SMPD3: variants seen among roughly 807,000 people sequenced by gnomAD.
SMPD3 encodes the protein nSMase-2.
A neutral mutation model predicts 55.7 loss-of-function variants in SMPD3; 21 were observed. That is an observed-to-expected ratio of 0.38 (90% CI 0.27 to 0.54). The LOEUF (loss-of-function observed/expected upper bound fraction) is 0.54, where lower values mean the gene tolerates loss of function less well. Among genes scored for constraint, SMPD3 ranks in the 20% least tolerant of loss-of-function variants. The probability of loss-of-function intolerance (pLI) is 0.80; values close to 1 mark genes in which losing one functional copy is unlikely to be tolerated. For missense variants in SMPD3, 842 were observed against 899.6 expected (o/e 0.94, Z 0.82); for synonymous variants, 457 against 404.3 (o/e 1.13, Z -1.56).
chr16:68,443,100 A>G (rs1417180079), intron 1 of SMPD3, among the ~76,000 whole-genome samples: 2 of 152,184 alleles, frequency 1.3e-5, no homozygotes, highest in African/African-American at 2.4e-5. Flanking sequence ...TCCAAATCGA[A>G]TGGGGAGTTC....
chr16:68,446,026 C>T (rs914656773), intron 1 of SMPD3, among the ~76,000 whole-genome samples: 1 of 152,214 alleles, frequency 6.6e-6, no homozygotes, highest in South Asian at 2.1e-4. Context: ...CAGCGCCATG[C>T]CCTTCCAGAC....
Position 68,371,926 on chromosome 16 carries a change from A to C in SMPD3, c.256T>G (p.Ser86Ala). The C allele has an allele frequency of 6.2e-7, 1 of 1,611,498 alleles. No individual in the cohort carries two copies. The highest frequency in any genetic ancestry group is 8.5e-7 in the Non-Finnish European group (1 of 1,179,594). Residue 86 changes from serine to alanine, a missense_variant, in exon 3 of 9, where the codon TCC becomes GCC. Ser to Ala is a moderately conservative substitution (Grantham distance 99). Around this residue, in one of 2 missense-constraint regions of SMPD3, gnomAD observed 193 missense variants for 256.0 expected, o/e 0.75. Transcript: ENST00000219334. ...GGCCGGCGGGCCGACTGCAGTGGGG[A>C]CCAGAAGAGAAAGCCGAGAAACGCA... ...PFAFLGFLFW[S>A]PLQSARRPYI...
intron 7 of SMPD3, 24 bp from the exon 8 acceptor site, chr16:68,361,783 G>A: frequency 6.2e-7 from 1 of 1,608,368 alleles, no homozygotes; most frequent in Non-Finnish European, 8.5e-7. Context: ...CAGGAGGCAG[G>A]TGGGCCCCCA....
chr16:68,394,005 T>G (rs2090134462), intron 1 of SMPD3, among the ~76,000 whole-genome samples: 1 of 152,220 alleles, frequency 6.6e-6, no homozygotes, highest in African/African-American at 2.4e-5. Flanking sequence ...GAAGAACATA[T>G]CTCCCTTCAC....
intron 1 of SMPD3, among the ~76,000 whole-genome samples, chr16:68,421,455 TG>T (rs376006146): frequency 6.6e-6 from 1 of 151,864 alleles, no homozygotes; most frequent in East Asian, 1.9e-4. Flanking sequence ...GTATGTGGGG[TG>T]GGGGATGAAG....
chr16:68,386,007 G>A (rs2090047251), intron 2 of SMPD3, among the ~76,000 whole-genome samples: 1 of 152,204 alleles, frequency 6.6e-6, no homozygotes, highest in East Asian at 1.9e-4. Context: ...CAGATCGCTT[G>A]AGCCCAGGAG....
chr16:68,401,341 G>C (rs1183665380), intron 1 of SMPD3, among the ~76,000 whole-genome samples: 1 of 152,176 alleles, frequency 6.6e-6, no homozygotes, highest in Non-Finnish European at 1.5e-5. Context: ...GGTTTTCTGA[G>C]CCAATTTTTT....
At chr16:68,398,511 C>T (rs1046597141) in intron 1 of SMPD3, among the ~76,000 whole-genome samples, 1 of 152,120 alleles carries the variant, frequency 6.6e-6, no homozygotes, top group Non-Finnish European at 1.5e-5. Context: ...GCTGATGTGG[C>T]CAACCTTCAC....
At position 68,364,844 on chromosome 16, in the gene SMPD3, T is replaced by A; in HGVS notation, c.1462A>T (p.Lys488Ter). The A allele has an allele frequency of 6.2e-7, 1 of 1,613,840 alleles. No homozygotes were observed. Among genetic ancestry groups the A allele is most frequent in the Non-Finnish European group, 8.5e-7 (1 of 1,180,006 alleles). ...GCTGCGCTGGACGAGGAGGTAGATT[T>A]TCGGAAATCAGCCAGCCAGTCCTGA... ...LLQDWLADFR[K>*]STSSSSAANP... The change falls in exon 5 of 9, where the codon AAA becomes TAA. Residue 488 changes from lysine to a stop codon, truncating the protein, a stop_gained. Transcript: ENST00000219334. LOFTEE classifies it high-confidence loss of function.
At chr16:68,446,484 T>TACACACACAC (rs3978672) in intron 1 of SMPD3, among the ~76,000 whole-genome samples, 25 of 143,862 alleles carry the variant, frequency 1.7e-4, no homozygotes, top group East Asian at 2.1e-4. Context: ...GTGGTTCATC[T>TACACACACAC]ACACACACAC....
chr16:68,395,211 C>CTGTG (rs1169474043), intron 1 of SMPD3, among the ~76,000 whole-genome samples: 3 of 152,114 alleles, frequency 2.0e-5, no homozygotes, highest in African/African-American at 7.2e-5. Context: ...GATTGAGCAA[C>CTGTG]TAATTAGCTG....
intron 1 of SMPD3, among the ~76,000 whole-genome samples, chr16:68,420,931 G>A (rs1057441513): frequency 8.5e-5 from 13 of 152,226 alleles, no homozygotes; most frequent in Non-Finnish European, 1.2e-4. Flanking sequence ...ATGGCCTTCA[G>A]CTCATCCAGG....
intron 2 of SMPD3, among the ~76,000 whole-genome samples, chr16:68,374,087 C>T (rs1175032928): frequency 2.0e-5 from 3 of 152,218 alleles, no homozygotes; most frequent in African/African-American, 4.8e-5. Context: ...CCCAGCAGAC[C>T]GCAAGCTTCA....
chr16:68,404,047 C>T lies in SMPD3; in HGVS notation c.-268-17388G>A, dbSNP rs573684464. 6.6e-6 allele frequency among the ~76,000 whole-genome samples: 1 copy of T among 152,072 alleles called. No homozygotes were observed. The highest frequency in any genetic ancestry group is 1.9e-4 in the East Asian group (1 of 5,168). ...TTCTTTTTTTCTTTCTTTCTTTATT[C>T]TTTGACAGGGTCTCATTCTGTGCAG... On this transcript the variant is annotated intron_variant, in intron 1 of 8. Coordinates refer to ENST00000219334, the MANE Select transcript of SMPD3 (RefSeq NM_018667.4). The surrounding 1 kb of genome is among the most constrained non-coding windows in gnomAD (Gnocchi z 4.0).
chr16:68,405,175 T>C (rs1442417877), intron 1 of SMPD3, among the ~76,000 whole-genome samples: 1 of 152,132 alleles, frequency 6.6e-6, no homozygotes, highest in Non-Finnish European at 1.5e-5. Flanking sequence ...TCGGGACTCA[T>C]GGCTGCTCTG....
intron 1 of SMPD3, among the ~76,000 whole-genome samples, chr16:68,393,959 G>C (rs564217970): frequency 5.3e-5 from 8 of 152,096 alleles, no homozygotes; most frequent in Non-Finnish European, 1.2e-4. Context: ...TTTAATATTT[G>C]TGATGTCAGT....
At chr16:68,434,105 T>C (rs2152031268) in intron 1 of SMPD3, among the ~76,000 whole-genome samples, 1 of 152,356 alleles carries the variant, frequency 6.6e-6, no homozygotes, top group Non-Finnish European at 1.5e-5. Flanking sequence ...GTTGCAGGCA[T>C]GAATTTATGG....
At chr16:68,365,694 C>T (rs535862783) in intron 3 of SMPD3, among the ~76,000 whole-genome samples, 2 of 152,274 alleles carry the variant, frequency 1.3e-5, no homozygotes, top group African/African-American at 4.8e-5. Context: ...GACCTGTGTC[C>T]TAGGCTGGCC....
chr16:68,421,678 T>C (rs913234938), intron 1 of SMPD3, among the ~76,000 whole-genome samples: 2 of 152,238 alleles, frequency 1.3e-5, no homozygotes, highest in Non-Finnish European at 2.9e-5. Context: ...CTGATACTCA[T>C]AGCTCGGCCT....
Sources: allele counts gnomAD v4.1 joint callset (sites outside exome capture counted in the v4.1 genomes callset), GRCh38; gene constraint gnomAD v4.1.1; regional missense constraint gnomAD v4.1.1; non-coding constraint Gnocchi (gnomAD v3.1); transcripts MANE v1.5; gene names NCBI Gene and HGNC (gene_info 2026-07-23, HGNC 2026-07-21).